PATJ: variants seen among roughly 807,000 people sequenced by gnomAD.
PATJ encodes the protein inaD-like protein.
Under a neutral mutation model 224.9 loss-of-function variants are expected in PATJ, and 190 were observed. That is an observed-to-expected ratio of 0.84 (90% confidence interval 0.75 to 0.95). The LOEUF (loss-of-function observed/expected upper bound fraction) is 0.95. Ranked by LOEUF, PATJ falls within the 40% of genes least tolerant of loss-of-function variation. PATJ has a pLI of 0.00. For synonymous variants in PATJ, 769 were observed against 820.3 expected (o/e 0.94, Z 1.07); for missense variants, 2,121 against 2,270.3 (o/e 0.93, Z 1.34).
intron 33 of PATJ, among the ~76,000 whole-genome samples, chr1:62,092,485 T>G (rs1281891598): frequency 1.3e-5 from 2 of 151,952 alleles, no homozygotes; most frequent in African/African-American, 4.8e-5. Context: ...TTTTTTTTTT[T>G]TAGACGGAGT....
At chr1:61,835,342 G>A (rs188624014) in intron 17 of PATJ, among the ~76,000 whole-genome samples, 1 of 152,056 alleles carries the variant, frequency 6.6e-6, no homozygotes, top group East Asian at 1.9e-4. Flanking sequence ...ATAAATATTT[G>A]CAGAATGATT....
chr1:61,972,658 A>G (rs1683144107), intron 27 of PATJ, among the ~76,000 whole-genome samples: 1 of 152,098 alleles, frequency 6.6e-6, no homozygotes, highest in South Asian at 2.1e-4. Context: ...TTTGGCTGTG[A>G]GGGAGCAAAC....
In PATJ at chr1:62,108,510, A is replaced by G; in HGVS notation, c.4451A>G (p.Gln1484Arg). 6.2e-7 allele frequency: 1 copy of G among 1,604,040 alleles called. No homozygotes were observed. Among genetic ancestry groups the G allele is most frequent in the South Asian group, 1.1e-5 (1 of 90,364 alleles). ...ARDGRLWAGD[Q>R]ILEVNGVDLR... The stretch of plus-strand genomic sequence containing the variant: ...GATGGAAGACTTTGGGCTGGTGACC[A>G]GATATTAGAGGTATATGGTTTTGAA... Residue 1484 changes from glutamine to arginine, a missense_variant, in exon 34 of 44, where the codon CAG (glutamine) becomes CGG (arginine). Coordinates refer to ENST00000642238, the MANE Select transcript of PATJ (RefSeq NM_001350145.3).
intron 41 of PATJ, among the ~76,000 whole-genome samples, chr1:62,132,482 G>A (rs1666363468): frequency 6.6e-6 from 1 of 151,496 alleles, no homozygotes; most frequent in Non-Finnish European, 1.5e-5. Flanking sequence ...TGGGCAACGT[G>A]AATATGGAAG....
chr1:61,909,892 G>C (rs543523058), intron 25 of PATJ, among the ~76,000 whole-genome samples: 3 of 152,278 alleles, frequency 2.0e-5, no homozygotes, highest in East Asian at 1.9e-4. Context: ...GTGAGCTGCA[G>C]CCTGCATTGG....
intron 32 of PATJ, among the ~76,000 whole-genome samples, chr1:62,081,663 G>A (rs1659298683): frequency 6.6e-6 from 1 of 152,132 alleles, no homozygotes; most frequent in East Asian, 1.9e-4. Context: ...TGCCTCCTGG[G>A]TTCAAGTGAT....
chr1:61,903,639 TTTG>T (rs1671485003), intron 24 of PATJ, among the ~76,000 whole-genome samples: 1 of 152,184 alleles, frequency 6.6e-6, no homozygotes, highest in Non-Finnish European at 1.5e-5. Context: ...ATTTAGTGGA[TTTG>T]TTGTTGGTGA....
At chr1:62,134,628 A>G (rs1218455175) in intron 41 of PATJ, among the ~76,000 whole-genome samples, 1 of 152,044 alleles carries the variant, frequency 6.6e-6, no homozygotes, top group Non-Finnish European at 1.5e-5. Context: ...TACTGGTGTG[A>G]GCCACCACGC....
At chr1:61,950,271 C>G (rs984135609) in intron 27 of PATJ, among the ~76,000 whole-genome samples, 1 of 152,074 alleles carries the variant, frequency 6.6e-6, no homozygotes, top group Admixed American at 6.6e-5. Flanking sequence ...ACAGTGATGG[C>G]GTTTGAGAAC....
At chr1:61,833,538 C>A in intron 16 of PATJ, 116 bp from the exon 17 acceptor site, 3 of 963,792 alleles carry the variant, frequency 3.1e-6, no homozygotes, top group Non-Finnish European at 4.4e-6. Flanking sequence ...AGAAAAACTA[C>A]GCATGCCAAA....
Position 61,871,426 on chromosome 1 carries a change from C to CGT in PATJ, c.2836-3817_2836-3816insGT, listed in dbSNP as rs1557792427. ...GTGTATATATATACATATATATGTA[C>CGT]ATATATATGTGTATATACACATATA... is the stretch of plus-strand genomic sequence containing the variant. On this transcript the variant is annotated intron_variant, in intron 20 of 43. Coordinates refer to ENST00000642238, the MANE Select transcript of PATJ (RefSeq NM_001350145.3). Among the ~76,000 whole-genome samples, 63 of 56,800 alleles carry CGT rather than the reference C, an allele frequency of 1.1e-3. 1 individual carries two copies. In the South Asian group the frequency reaches 0.042, roughly 38 times the overall value. 37.3% of individuals were successfully genotyped at this position (56,800 alleles called of 152,430 possible).
chr1:61,911,694 TTTA>T (rs1301727745), intron 25 of PATJ, among the ~76,000 whole-genome samples: 2 of 122,348 alleles, frequency 1.6e-5, no homozygotes, highest in African/African-American at 9.7e-5. Flanking sequence ...TCTATATATT[TTTA>T]TATATATATA....
intron 27 of PATJ, among the ~76,000 whole-genome samples, chr1:61,972,539 C>T (rs1683126936): frequency 6.6e-6 from 1 of 151,972 alleles, no homozygotes; most frequent in African/African-American, 2.4e-5. Context: ...CCTGTTTCCT[C>T]ATTTGTAAAA....
chr1:62,036,733 G>A (rs1457052579), intron 29 of PATJ, among the ~76,000 whole-genome samples: 4 of 151,828 alleles, frequency 2.6e-5, no homozygotes, highest in African/African-American at 9.7e-5. Context: ...TTAGCCAGGT[G>A]TGGTGGCACA....
At chr1:61,855,300 A>C (rs1663476847) in intron 17 of PATJ, among the ~76,000 whole-genome samples, 1 of 152,150 alleles carries the variant, frequency 6.6e-6, no homozygotes, top group African/African-American at 2.4e-5. Context: ...AATCACCAAA[A>C]ATTTTAACAG....
intron 28 of PATJ, among the ~76,000 whole-genome samples, chr1:62,007,117 A>G (rs1169197088): frequency 6.6e-6 from 1 of 152,186 alleles, no homozygotes; most frequent in Non-Finnish European, 1.5e-5. Flanking sequence ...GTGGCACCTG[A>G]TTATAGAGGT....
At chr1:62,057,865 T>A in intron 31 of PATJ, among the ~76,000 whole-genome samples, 1 of 152,236 alleles carries the variant, frequency 6.6e-6, no homozygotes, top group Non-Finnish European at 1.5e-5. Context: ...TGTGTTAGAA[T>A]TGCCCTGGAC....
chr1:62,128,937 A>G lies in PATJ; in HGVS notation c.5263A>G (p.Ile1755Val). Residue 1755 changes from isoleucine (I) to valine (V), a missense_variant, in exon 41 of 44, where the codon ATC becomes GTC. Transcript: ENST00000642238. ...GCTGAAGAACGCCTACGGGCGCATT[A>G]TCCTGCAGGTATTGCGATCAACGGA... The part of the protein sequence containing the change: ...NLLKNAYGRI[I>V]LQVVADTNIS... The G allele has an allele frequency of 6.2e-7, 1 of 1,604,044 alleles. No homozygotes were observed. The highest frequency in any genetic ancestry group is 8.5e-7 in the Non-Finnish European group (1 of 1,171,222).
intron 1 of PATJ, among the ~76,000 whole-genome samples, chr1:61,751,001 CTTTT>C (rs753746478): frequency 7.3e-6 from 1 of 137,876 alleles, no homozygotes; most frequent in African/African-American, 2.6e-5. Flanking sequence ...TTTTATTTTA[CTTTT>C]TTTTTTTTTT....
Sources: gnomAD v4.1 joint callset for allele counts (sites outside exome capture counted in the v4.1 genomes callset) on GRCh38, gnomAD v4.1.1 for gene constraint, MANE v1.5 for transcripts, NCBI Gene and HGNC (gene_info 2026-07-23, HGNC 2026-07-21) for gene names.